ATP10D: variants seen among roughly 807,000 people sequenced by gnomAD.
The protein encoded by ATP10D is ATPase phospholipid transporting 10D (putative).
A neutral mutation model predicts 144.8 loss-of-function variants in ATP10D; 89 were observed. That is an observed-to-expected ratio of 0.61 (90% CI 0.52 to 0.73). The LOEUF is 0.73. ATP10D is among the 30% of genes least tolerant of loss of function. The pLI is 0.00. For missense variants in ATP10D, 1,603 were observed against 1,714.8 expected (o/e 0.93, Z 1.15); for synonymous variants, 571 against 615.1 (o/e 0.93, Z 1.06).
chr4:47,578,316 C>T (rs1233912907), intron 19 of ATP10D: 1 of 152,204 alleles, frequency 6.6e-6, no homozygotes, highest in East Asian at 1.9e-4. Context: ...GAATCTCTCT[C>T]CTCTAAAGAT....
intron 1 of ATP10D, among the ~76,000 whole-genome samples, chr4:47,485,859 A>G (rs6853621): frequency 8.8e-5 from 1 of 11,334 alleles, no homozygotes; most frequent in Non-Finnish European, 3.7e-4. Context: ...ACACGCGGGC[A>G]TACACGGGCA....
intron 3 of ATP10D, among the ~76,000 whole-genome samples, chr4:47,516,926 C>T (rs1419616173): frequency 1.3e-5 from 2 of 152,102 alleles, no homozygotes; most frequent in Non-Finnish European, 2.9e-5. Flanking sequence ...TTATTATATA[C>T]CAGAGATAGA....
chr4:47,590,976 T>TGGTG, intron 22 of ATP10D, 66 bp from the exon 23 acceptor site: 1 of 953,990 alleles, frequency 1.0e-6, no homozygotes, highest in Non-Finnish European at 1.5e-6. Context: ...CGTTAGTATT[T>TGGTG]GGGGGGGGGG....
rs1719052076 is a variant in ATP10D, at chr4:47,557,703, T to C, written c.1864T>C (p.Leu622=). Reference sequence around the variant, plus strand: ...ACTGGGGGGGTTGCCCATTAAGTCTTTGGAAGAGATTAAAAGTCTTTTCCA... The same window carrying C: ...ACTGGGGGGGTTGCCCATTAAGTCTCTGGAAGAGATTAAAAGTCTTTTCCA... ...PSLGGLPIKS[L]EEIKSLFQRW... Residue 622 remains leucine, a synonymous_variant, in exon 12 of 23, where the codon TTG becomes CTG. Coordinates refer to ENST00000273859, the MANE Select transcript of ATP10D (RefSeq NM_020453.4). 6.2e-7 allele frequency: 1 copy of C among 1,613,870 alleles called. No individual in the cohort carries two copies. Among genetic ancestry groups the C allele is most frequent in the Non-Finnish European group, 8.5e-7 (1 of 1,179,846 alleles).
intron 21 of ATP10D, among the ~76,000 whole-genome samples, chr4:47,582,389 G>A (rs980927564): frequency 1.3e-5 from 2 of 152,200 alleles, no homozygotes; most frequent in African/African-American, 4.8e-5. Context: ...ATGAAAAAAG[G>A]TGTTGTATCA....
At position 47,552,977 on chromosome 4, in the gene ATP10D, A is replaced by C. The variant is rs145385395; in HGVS notation, c.1636-1749A>C. Reference sequence around the variant, plus strand: ...TTTCTTAAACTTATTTCAGTATAGAACTCTTTGTTAATTTTTTGCTTATTC... The same window carrying C: ...TTTCTTAAACTTATTTCAGTATAGACCTCTTTGTTAATTTTTTGCTTATTC... On this transcript the variant is annotated intron_variant, in intron 10 of 22. Coordinates refer to ENST00000273859, the MANE Select transcript of ATP10D (RefSeq NM_020453.4). 5.4e-4 allele frequency among the ~76,000 whole-genome samples: 83 copies of C among 152,326 alleles called. 1 individual carries two copies. The highest frequency in any genetic ancestry group is 1.8e-3 in the African/African-American group (74 of 41,578).
intron 10 of ATP10D, among the ~76,000 whole-genome samples, chr4:47,550,351 A>G (rs1718671288): frequency 6.6e-6 from 1 of 152,208 alleles, no homozygotes; most frequent in Non-Finnish European, 1.5e-5. Flanking sequence ...AAAAGATTCA[A>G]CCAACACTAT....
intron 9 of ATP10D, among the ~76,000 whole-genome samples, chr4:47,537,550 C>T (rs1717918886): frequency 6.6e-6 from 1 of 152,128 alleles, no homozygotes; most frequent in South Asian, 2.1e-4. Flanking sequence ...CCACCATTAA[C>T]AATTTGGTGA....
At chr4:47,512,871 T>TA in intron 2 of ATP10D, 41 bp downstream of exon 2, 2 of 1,516,612 alleles carry the variant, frequency 1.3e-6, no homozygotes, top group Non-Finnish European at 9.0e-7. Context: ...AATATCATTC[T>TA]AGTTGATATA....
At chr4:47,544,988 T>A (rs114109196) in intron 9 of ATP10D, among the ~76,000 whole-genome samples, 1,640 of 152,208 alleles carry the variant, frequency 0.011, 33 homozygotes, top group African/African-American at 0.038. Flanking sequence ...AAGAAAAAAA[T>A]TAGCGATAAG....
In ATP10D at chr4:47,580,429, T is replaced by C. The variant is rs749783360; in HGVS notation, c.3599T>C (p.Leu1200Ser). 10 of 1,613,618 alleles carry C rather than the reference T, an allele frequency of 6.2e-6. No homozygotes were observed. The highest frequency in any genetic ancestry group is 8.5e-6 in the Non-Finnish European group (10 of 1,179,736). ...AYLPHTFWIT[L>S]LDAFYQSLVC... ...TTACCCCATACCTTCTGGATCACCT[T>C]ATTGGATGCTTTTTATCAAAGCCTG... The change falls in exon 20 of 23, where the codon TTA becomes TCA. Residue 1200 changes from leucine (L) to serine (S), a missense_variant. Leu to Ser is a moderately radical substitution (Grantham distance 145). Transcript: ENST00000273859.
In ATP10D at chr4:47,508,847, G is replaced by C. The variant is rs552037112; in HGVS notation, c.-37-3657G>C. The stretch of plus-strand genomic sequence containing the variant: ...ACACTCTGATACAAAATAAGTCATT[G>C]GGTAGAATTTTGCTGTAGGACTAAT... On this transcript the variant is annotated intron_variant, in intron 1 of 22. Transcript: ENST00000273859. 1.6e-4 allele frequency among the ~76,000 whole-genome samples: 24 copies of C among 152,264 alleles called. No homozygotes were observed. The South Asian group carries it at 5.0e-3, about 32-fold the overall frequency.
At chr4:47,523,318 C>A in intron 4 of ATP10D, 102 bp downstream of exon 4, 1 of 964,094 alleles carries the variant, frequency 1.0e-6, no homozygotes, top group Non-Finnish European at 1.6e-6. Flanking sequence ...AATTCATTTT[C>A]ACCAGGATGA....
intron 14 of ATP10D, 115 bp downstream of exon 14, chr4:47,561,190 A>G (rs1719277577): frequency 1.5e-6 from 2 of 1,357,242 alleles, no homozygotes; most frequent in Non-Finnish European, 1.0e-6. Context: ...GGTTCTGCCT[A>G]CCCTGTCCAG....
At chr4:47,577,878 G>T (rs1036456455) in intron 19 of ATP10D, among the ~76,000 whole-genome samples, 25 of 152,192 alleles carry the variant, frequency 1.6e-4, no homozygotes, top group African/African-American at 5.8e-4. Flanking sequence ...AGAACATGTG[G>T]TTGATGTCAG....
chr4:47,570,802 CAA>C (rs35697866), intron 16 of ATP10D, among the ~76,000 whole-genome samples: 1,860 of 129,390 alleles, frequency 0.014, 14 homozygotes, highest in Non-Finnish European at 0.024. Flanking sequence ...GATTCTGTCT[CAA>C]AAAAAAAAAA....
chr4:47,496,491 T>C (rs113429035), intron 1 of ATP10D, among the ~76,000 whole-genome samples: 71 of 152,238 alleles, frequency 4.7e-4, no homozygotes, highest in African/African-American at 1.5e-3. Flanking sequence ...TTCAGTATAT[T>C]TCTACTGAGG....
chr4:47,563,487 A>G lies in ATP10D; in HGVS notation c.2669-94A>G. The G allele has an allele frequency of 4.2e-6, 5 of 1,187,628 alleles. No homozygotes were observed. The Middle Eastern group carries it at 1.1e-3, about 250-fold the overall frequency. 73.6% of individuals were successfully genotyped at this position (1,187,628 alleles called of 1,614,324 possible). A position where few individuals can be genotyped will look rare whatever the true frequency, so the allele number is the denominator to read the frequency against. Reference sequence around the variant, plus strand: ...GGGCAGTTTATGTAGTGTAGGGTTGAGTTGGCTAACAGATATGATTCAACT... The same window carrying G: ...GGGCAGTTTATGTAGTGTAGGGTTGGGTTGGCTAACAGATATGATTCAACT... On this transcript the variant is annotated intron_variant, in intron 14 of 22. Transcript: ENST00000273859.
chr4:47,528,501 GTGTGTGTGTGTGTATATATA>G (rs1179588217), intron 5 of ATP10D, among the ~76,000 whole-genome samples: 17 of 44,518 alleles, frequency 3.8e-4, no homozygotes, highest in Non-Finnish European at 4.7e-4. Flanking sequence ...GTGTGTGTGT[GTGTGTGTGTGTGTATATATA>G]TATATATACA....
Sources: allele counts gnomAD v4.1 joint callset (sites outside exome capture counted in the v4.1 genomes callset), GRCh38; gene constraint gnomAD v4.1.1; transcripts MANE v1.5; gene names NCBI Gene and HGNC (gene_info 2026-07-23, HGNC 2026-07-21).